Variants in NRXN1 observed in about 807,000 individuals in gnomAD.
NRXN1 encodes the protein neurexin-1.
A neutral mutation model predicts 150.9 loss-of-function variants in NRXN1; 39 were observed. The ratio of observed to expected loss-of-function variants is 0.26; its 90% CI spans 0.20 to 0.34. NRXN1 has a LOEUF of 0.34. NRXN1 is among the 10% of genes least tolerant of loss of function. The pLI, the probability that NRXN1 is intolerant of heterozygous loss-of-function variation, is 1.00. For missense variants in NRXN1, 1,815 were observed against 1,949.9 expected (o/e 0.93, Z 1.30); for synonymous variants, 924 against 757.0 (o/e 1.22, Z -3.62).
rs527835572 is a variant in NRXN1, at chr2:50,769,947, G to A, written c.833-146332C>T. Reference sequence around the variant, plus strand: ...GTTTGGGAATTGTACTGTCTGCCATGGGGGTGAGAAGCCAAGGCAGCCGGA... The same window carrying A: ...GTTTGGGAATTGTACTGTCTGCCATAGGGGTGAGAAGCCAAGGCAGCCGGA... On this transcript the variant is annotated intron_variant, in intron 5 of 22. Transcript: ENST00000401669. Among the ~76,000 whole-genome samples, 4 of 152,230 alleles carry A rather than the reference G, an allele frequency of 2.6e-5. 1 individual carries two copies. In the South Asian group the frequency reaches 8.3e-4, roughly 32 times the overall value.
intron 9 of NRXN1, chr2:50,551,483 G>A (rs907608188): frequency 1.3e-5 from 2 of 152,220 alleles, no homozygotes; most frequent in African/African-American, 2.4e-5. Flanking sequence ...AGGAGGGTAT[G>A]AGCAAGAGAG....
At chr2:50,400,426 C>A (rs1256270120) in intron 17 of NRXN1, among the ~76,000 whole-genome samples, 1 of 151,968 alleles carries the variant, frequency 6.6e-6, no homozygotes, top group East Asian at 1.9e-4. Context: ...AACGCCGTTG[C>A]TCATATAAAC....
chr2:50,528,909 T>C (rs1023595776), intron 11 of NRXN1: 3 of 398,150 alleles, frequency 7.5e-6, no homozygotes, highest in African/African-American at 4.2e-5. Context: ...AAGTAAAGAA[T>C]TGTTAAATGT....
rs1239716618 is a variant in NRXN1 at position 50,922,691 on chromosome 2, G to GT, written c.791-5_791-4insA. 60 of 1,610,296 alleles carry GT rather than the reference G, an allele frequency of 3.7e-5. No homozygotes were observed. The highest frequency in any genetic ancestry group is 4.9e-5 in the Non-Finnish European group (58 of 1,178,014). ...CCCATCATCAGGTGCGCCAGACCTT[G>GT]AAGGGAAACAAGAGCACAGTCAGCA... On this transcript the variant is annotated splice_polypyrimidine_tract_variant and splice_region_variant and intron_variant, in intron 3 of 22. Coordinates refer to ENST00000401669, the MANE Select transcript of NRXN1 (RefSeq NM_001330078.2).
chr2:50,788,619 GAGAA>G (rs1705487967), intron 5 of NRXN1, among the ~76,000 whole-genome samples: 1 of 151,916 alleles, frequency 6.6e-6, no homozygotes, highest in Admixed American at 6.6e-5. Context: ...GAGAGAGAGA[GAGAA>G]AGAGAGAGAC....
At chr2:50,058,382 G>A (rs938446744) in intron 19 of NRXN1, among the ~76,000 whole-genome samples, 4 of 152,128 alleles carry the variant, frequency 2.6e-5, no homozygotes, top group African/African-American at 9.7e-5. Flanking sequence ...AATATCAGAT[G>A]CCTACTAATT....
intron 5 of NRXN1, among the ~76,000 whole-genome samples, chr2:50,850,464 G>A (rs1674357376): frequency 6.6e-6 from 1 of 152,012 alleles, no homozygotes; most frequent in African/African-American, 2.4e-5. Context: ...CACCTCTAAT[G>A]ACTATTTTGA....
intron 5 of NRXN1, chr2:50,912,977 T>A (rs1249301023): frequency 6.6e-6 from 1 of 151,772 alleles, no homozygotes; most frequent in Non-Finnish European, 1.5e-5. Context: ...TTAAGACTCT[T>A]AACTTCAGCC....
At chr2:50,177,816 T>C (rs555144954) in intron 18 of NRXN1, among the ~76,000 whole-genome samples, 2 of 138,068 alleles carry the variant, frequency 1.4e-5, no homozygotes, top group African/African-American at 2.6e-5. Flanking sequence ...TCTCTCCTCC[T>C]CTCCCTCCCT....
At chr2:50,579,109 G>T (rs2103621409) in intron 8 of NRXN1, among the ~76,000 whole-genome samples, 1 of 152,218 alleles carries the variant, frequency 6.6e-6, no homozygotes, top group African/African-American at 2.4e-5. Flanking sequence ...TAATCTTAAT[G>T]TCATAAACCC....
At chr2:50,954,406 A>G (rs1691926446) in intron 2 of NRXN1, among the ~76,000 whole-genome samples, 1 of 152,234 alleles carries the variant, frequency 6.6e-6, no homozygotes, top group African/African-American at 2.4e-5. Context: ...GCAGAGCTTA[A>G]AGAGTATACT....
At chr2:50,941,284 A>G (rs1689404151) in intron 2 of NRXN1, among the ~76,000 whole-genome samples, 1 of 152,186 alleles carries the variant, frequency 6.6e-6, no homozygotes, top group Non-Finnish European at 1.5e-5. Context: ...AGACTAATAC[A>G]GAAAATTGGT....
chr2:50,590,854 T>C (rs1329637412), intron 8 of NRXN1, among the ~76,000 whole-genome samples: 1 of 152,146 alleles, frequency 6.6e-6, no homozygotes, highest in Non-Finnish European at 1.5e-5. Context: ...GTCTATGGTA[T>C]TTTTGTTATA....
intron 2 of NRXN1, among the ~76,000 whole-genome samples, chr2:51,003,968 AAT>A (rs754363819): frequency 1.3e-5 from 2 of 151,852 alleles, no homozygotes; most frequent in Non-Finnish European, 2.9e-5. Flanking sequence ...CGGTTTTACT[AAT>A]CCCTTTCCTC....
At chr2:49,972,546 T>C (rs868340095) in intron 21 of NRXN1, 11 of 152,178 alleles carry the variant, frequency 7.2e-5, no homozygotes, top group Non-Finnish European at 5.9e-5. Context: ...TAGTATTAAT[T>C]GCCACTTTTA....
chr2:50,419,629 G>A (rs112846025), intron 17 of NRXN1, among the ~76,000 whole-genome samples: 8,618 of 151,820 alleles, frequency 0.057, 329 homozygotes, highest in Non-Finnish European at 0.082. Flanking sequence ...AAAAAGAAAC[G>A]GAGATAAAGA....
At chr2:50,675,829 C>T (rs1052404178) in intron 5 of NRXN1, among the ~76,000 whole-genome samples, 2 of 152,012 alleles carry the variant, frequency 1.3e-5, no homozygotes, top group African/African-American at 4.8e-5. Flanking sequence ...ATTAACAAAT[C>T]AATATGTTCT....
intron 5 of NRXN1, among the ~76,000 whole-genome samples, chr2:50,880,600 T>C (rs534727880): frequency 6.6e-6 from 1 of 152,104 alleles, no homozygotes; most frequent in African/African-American, 2.4e-5. Flanking sequence ...TCTGAGGTTC[T>C]TCATATTCTA....
At chr2:50,981,967 A>G (rs976367766) in intron 2 of NRXN1, among the ~76,000 whole-genome samples, 4 of 148,694 alleles carry the variant, frequency 2.7e-5, no homozygotes, top group African/African-American at 9.7e-5. Flanking sequence ...AGAGAGAGAT[A>G]GAGAAAGAGG....
Sources: allele counts gnomAD v4.1 joint callset (sites outside exome capture counted in the v4.1 genomes callset), GRCh38; gene constraint gnomAD v4.1.1; transcripts MANE v1.5; gene names NCBI Gene and HGNC (gene_info 2026-07-23, HGNC 2026-07-21).